The following LYPD6B variants were observed in gnomAD, a reference collection of about 807,000 sequenced individuals.
The protein encoded by LYPD6B is LY6/PLAUR domain containing 6B.
A neutral mutation model predicts 22.8 loss-of-function variants in LYPD6B; 17 were observed. That is an observed-to-expected ratio of 0.75 (90% CI 0.51 to 1.12). LYPD6B has a LOEUF of 1.12. Among genes scored for constraint, LYPD6B ranks in the 50% most tolerant of loss-of-function variants. The pLI is 0.00. For synonymous variants in LYPD6B, 106 were observed against 91.6 expected, an observed-to-expected ratio of 1.16 and a Z score of -0.90; for missense variants, 221 against 258.3, an observed-to-expected ratio of 0.86 and a Z score of 0.99.
chr2:149,210,892 G>A lies in LYPD6B; in HGVS notation c.329-2100G>A, dbSNP rs796774760. On this transcript the variant is annotated intron_variant, in intron 5 of 6. Transcript: ENST00000409642. Reference sequence around the variant, plus strand: ...CTACATTATATCACTGTATTAGTCCGTTCTTGCATTGCTATAAAGAAACAC... The same window carrying A: ...CTACATTATATCACTGTATTAGTCCATTCTTGCATTGCTATAAAGAAACAC... 2.6e-5 allele frequency among the ~76,000 whole-genome samples: 4 copies of A among 152,240 alleles called. No individual in the cohort carries two copies. In the East Asian group the frequency reaches 5.8e-4, roughly 22 times the overall value.
intron 1 of LYPD6B, among the ~76,000 whole-genome samples, chr2:149,107,298 C>G (rs966253405): frequency 2.6e-5 from 4 of 152,118 alleles, no homozygotes; most frequent in African/African-American, 9.7e-5. Flanking sequence ...ATATGTGGGA[C>G]AAAGCGATGT....
At chr2:149,074,460 A>G (rs1684789701) in intron 1 of LYPD6B, among the ~76,000 whole-genome samples, 1 of 152,222 alleles carries the variant, frequency 6.6e-6, no homozygotes, top group Admixed American at 6.5e-5. Context: ...ATAGGATGAT[A>G]GGTGATAGGA....
chr2:149,182,782 C>T (rs909979575), intron 3 of LYPD6B, among the ~76,000 whole-genome samples: 41 of 152,208 alleles, frequency 2.7e-4, no homozygotes, highest in African/African-American at 8.7e-4. Flanking sequence ...GCAAAATTGC[C>T]CTTCAATAGG....
chr2:149,184,923 A>T (rs1394434469), intron 3 of LYPD6B, among the ~76,000 whole-genome samples: 3 of 152,164 alleles, frequency 2.0e-5, no homozygotes, highest in African/African-American at 7.2e-5. Flanking sequence ...TTCCTTATTA[A>T]ATCCTTTGTC....
intron 1 of LYPD6B, among the ~76,000 whole-genome samples, chr2:149,116,715 A>G (rs1367856127): frequency 1.3e-5 from 2 of 152,228 alleles, no homozygotes; most frequent in Admixed American, 6.5e-5. Flanking sequence ...TGTGCCTGAC[A>G]TATAATGGGC....
In LYPD6B at chr2:149,212,902, T is replaced by C. The variant is rs1180903193; in HGVS notation, c.329-90T>C. 8.2e-6 allele frequency: 11 copies of C among 1,339,748 alleles called. No homozygotes were observed. The African/African-American group carries it at 1.6e-4, about 20-fold the overall frequency. 83.0% of individuals were successfully genotyped at this position (1,339,748 alleles called of 1,614,324 possible). ...AGGACTGGCCTGAATTTGAGTCCTT[T>C]CTGCATTAATTGTTAAGAGATCTCT... On this transcript the variant is annotated intron_variant, in intron 5 of 6. Transcript: ENST00000409642.
At chr2:149,163,382 C>T (rs947686746) in intron 3 of LYPD6B, among the ~76,000 whole-genome samples, 1 of 152,150 alleles carries the variant, frequency 6.6e-6, no homozygotes, top group Non-Finnish European at 1.5e-5. Context: ...CCTCAACAAA[C>T]TTCTTCCTCC....
At chr2:149,177,112 G>A (rs1044771831) in intron 3 of LYPD6B, among the ~76,000 whole-genome samples, 7 of 152,198 alleles carry the variant, frequency 4.6e-5, no homozygotes, top group African/African-American at 1.4e-4. Flanking sequence ...GGAACCAAAT[G>A]CGCAGTCTGG....
chr2:149,120,378 TATA>T (rs1464325132), intron 1 of LYPD6B, among the ~76,000 whole-genome samples: 10 of 38,628 alleles, frequency 2.6e-4, no homozygotes, highest in African/African-American at 4.9e-4. Context: ...TATATATATA[TATA>T]TATTTTTTTT....
intron 1 of LYPD6B, among the ~76,000 whole-genome samples, chr2:149,129,701 C>T (rs746237843): frequency 1.1e-4 from 17 of 152,218 alleles, no homozygotes; most frequent in Admixed American, 7.2e-4. Flanking sequence ...GCATTCCCAG[C>T]TGCTGGTGCT....
intron 1 of LYPD6B, among the ~76,000 whole-genome samples, chr2:149,054,510 A>G (rs1396397126): frequency 6.6e-6 from 1 of 152,146 alleles, no homozygotes; most frequent in Non-Finnish European, 1.5e-5. Flanking sequence ...ATTGGATATA[A>G]GATTTGCAAA....
intron 1 of LYPD6B, among the ~76,000 whole-genome samples, chr2:149,105,641 T>C (rs1342253595): frequency 6.6e-6 from 1 of 152,128 alleles, no homozygotes; most frequent in Admixed American, 6.6e-5. Context: ...GATTTTTGTG[T>C]ATTTATCTTA....
At chr2:149,052,278 A>T (rs1683597934) in intron 1 of LYPD6B, among the ~76,000 whole-genome samples, 1 of 152,024 alleles carries the variant, frequency 6.6e-6, no homozygotes, top group Non-Finnish European at 1.5e-5. Context: ...GATGGTCTCG[A>T]TCTCCTGACC....
chr2:149,191,784 G>A (rs1324559644), intron 3 of LYPD6B, among the ~76,000 whole-genome samples: 1 of 152,184 alleles, frequency 6.6e-6, no homozygotes, highest in Non-Finnish European at 1.5e-5. Context: ...GATCCCTAAC[G>A]AAAGTACTAG....
intron 1 of LYPD6B, among the ~76,000 whole-genome samples, chr2:149,062,860 C>CTTTTTTTTTTTTTTTTT (rs5835285): frequency 5.3e-5 from 5 of 93,558 alleles, no homozygotes; most frequent in African/African-American, 1.2e-4. Context: ...GATACATGTT[C>CTTTTTTTTTTTTTTTTT]TTTTTTTTTT....
In LYPD6B at chr2:149,161,064, T is replaced by C. The variant is rs374824495; in HGVS notation, c.77+229T>C. 2.0e-5 allele frequency among the ~76,000 whole-genome samples: 3 copies of C among 152,200 alleles called. No homozygotes were observed. The East Asian group carries it at 5.8e-4, about 29-fold the overall frequency. On this transcript the variant is annotated intron_variant, in intron 3 of 6. Transcript: ENST00000409642. ...GGTGAACCAAAAAGGGGAGTCCCCA[T>C]GCTCAGCGAATGGTTGGTAGATCAA...
At chr2:149,180,975 G>A (rs1302404355) in intron 3 of LYPD6B, among the ~76,000 whole-genome samples, 4 of 152,196 alleles carry the variant, frequency 2.6e-5, no homozygotes, top group Non-Finnish European at 4.4e-5. Context: ...GCTGGGGATG[G>A]ACTAGATTGT....
chr2:149,112,697 G>C (rs917393454), intron 1 of LYPD6B, among the ~76,000 whole-genome samples: 1 of 152,064 alleles, frequency 6.6e-6, no homozygotes, highest in Non-Finnish European at 1.5e-5. Flanking sequence ...AAAATTAGTA[G>C]GTTCTTGGGT....
At chr2:149,131,894 G>A (rs775023959) in intron 2 of LYPD6B, among the ~76,000 whole-genome samples, 2 of 152,144 alleles carry the variant, frequency 1.3e-5, no homozygotes, top group Admixed American at 6.5e-5. Context: ...AAAGAGAGAA[G>A]CATCTTAGAA....
Sources: gnomAD v4.1 joint callset for allele counts (sites outside exome capture counted in the v4.1 genomes callset) on GRCh38, gnomAD v4.1.1 for gene constraint, MANE v1.5 for transcripts, NCBI Gene and HGNC (gene_info 2026-07-23, HGNC 2026-07-21) for gene names.